The following RAD51B variants were observed in gnomAD, a reference collection of about 807,000 sequenced individuals.
RAD51B encodes DNA repair protein RAD51 homolog 2.
In RAD51B, 38 loss-of-function variants were observed where a neutral mutation model predicts 42.2. The observed-to-expected ratio is 0.90, with a 90% CI of 0.70 to 1.18. The LOEUF is 1.18. Among genes scored for constraint, RAD51B ranks in the 50% most tolerant of loss-of-function variants. The probability of loss-of-function intolerance (pLI) is 0.00; values close to 1 mark genes in which losing one functional copy is unlikely to be tolerated. For synonymous variants in RAD51B, 154 were observed against 145.2 expected (o/e 1.06, Z -0.43); for missense variants, 373 against 400.7 (o/e 0.93, Z 0.59).
chr14:68,261,618 A>G (rs1235277763), intron 7 of RAD51B, among the ~76,000 whole-genome samples: 1 of 152,172 alleles, frequency 6.6e-6, no homozygotes, highest in Non-Finnish European at 1.5e-5. Context: ...AAAACCATAT[A>G]TTTTGTATTG....
chr14:68,438,156 G>C (rs937137364), intron 9 of RAD51B, among the ~76,000 whole-genome samples: 3 of 152,112 alleles, frequency 2.0e-5, no homozygotes, highest in Admixed American at 1.3e-4. Context: ...CATCAGATTT[G>C]TACCTTCCAA....
intron 7 of RAD51B, among the ~76,000 whole-genome samples, chr14:68,233,596 T>G (rs2080188868): frequency 6.6e-6 from 1 of 152,200 alleles, no homozygotes; most frequent in African/African-American, 2.4e-5. Context: ...ACCTGAAGTT[T>G]TATGTTGTGT....
chr14:68,614,500 T>C (rs1017480562), downstream of RAD51B, among the ~76,000 whole-genome samples: 2 of 152,208 alleles, frequency 1.3e-5, no homozygotes, highest in African/African-American at 4.8e-5. Context: ...TCCATATGCA[T>C]TGGCAGTCAC....
At chr14:68,130,662 G>A (rs548892390) in intron 7 of RAD51B, among the ~76,000 whole-genome samples, 2 of 152,234 alleles carry the variant, frequency 1.3e-5, no homozygotes, top group Middle Eastern at 3.4e-3. Context: ...TTTTACTGAA[G>A]CCTTGAGATC....
chr14:68,095,837 G>A (rs370787089), intron 7 of RAD51B, among the ~76,000 whole-genome samples: 2 of 151,862 alleles, frequency 1.3e-5, no homozygotes, highest in African/African-American at 4.8e-5. Context: ...TTAGCCAGGC[G>A]TGGTGGCGGG....
intron 10 of RAD51B, among the ~76,000 whole-genome samples, chr14:68,477,027 C>T (rs1882682585): frequency 6.6e-6 from 1 of 152,142 alleles, no homozygotes; most frequent in South Asian, 2.1e-4. Flanking sequence ...TGACCAGTGT[C>T]CTGAAGGAGC....
chr14:68,354,225 T>TG (rs1322061210), intron 8 of RAD51B, among the ~76,000 whole-genome samples: 116 of 147,300 alleles, frequency 7.9e-4, no homozygotes, highest in African/African-American at 2.7e-3. Context: ...GGTTTTTTTT[T>TG]TTTTTTTTTT....
chr14:67,884,596 A>G (rs2043008675), intron 5 of RAD51B, among the ~76,000 whole-genome samples: 1 of 152,068 alleles, frequency 6.6e-6, no homozygotes, highest in Admixed American at 6.5e-5. Context: ...GCCTGTGCCA[A>G]TGCCATCTCA....
chr14:68,679,270 CA>C (rs1893378957), intron 11 of RAD51B, among the ~76,000 whole-genome samples: 1 of 151,842 alleles, frequency 6.6e-6, no homozygotes, highest in Non-Finnish European at 1.5e-5. Context: ...AACAAACAAA[CA>C]AACAAACAAA....
intron 9 of RAD51B, among the ~76,000 whole-genome samples, chr14:68,433,316 C>A (rs973985914): frequency 6.6e-6 from 1 of 152,116 alleles, no homozygotes. Context: ...TGGAGAAGTT[C>A]TCCTGGGTAA....
intron 10 of RAD51B, chr14:68,541,046 G>C: frequency 1.0e-6 from 1 of 985,376 alleles, no homozygotes; most frequent in Non-Finnish European, 1.2e-6. Flanking sequence ...GAAAAAGATA[G>C]TCATAAAAGA....
intron 7 of RAD51B, among the ~76,000 whole-genome samples, chr14:68,015,304 ATACAAAGGTGAC>A (rs996586953): frequency 1.3e-5 from 2 of 152,296 alleles, no homozygotes; most frequent in South Asian, 2.1e-4. Flanking sequence ...TATGATGGGG[ATACAAAGGTGAC>A]TACTCAGGAG....
At chr14:68,050,268 T>TTTTTCTTTTC (rs147245086) in intron 7 of RAD51B, among the ~76,000 whole-genome samples, 31 of 150,766 alleles carry the variant, frequency 2.1e-4, no homozygotes, top group African/African-American at 3.9e-4. Context: ...TCTCTTTTCT[T>TTTTTCTTTTC]TTTTCTTTTC....
At chr14:68,504,670 T>TTTTTTTTTTTTTTTTTTTTA (rs1885173907) in intron 10 of RAD51B, among the ~76,000 whole-genome samples, 1 of 96,380 alleles carries the variant, frequency 1.0e-5, no homozygotes, top group Non-Finnish European at 2.3e-5. Flanking sequence ...TTCTTTTTTT[T>TTTTTTTTTTTTTTTTTTTTA]TTTTTTTTTT....
At chr14:68,005,045 GTTT>G (rs753867497) in intron 7 of RAD51B, among the ~76,000 whole-genome samples, 22 of 79,488 alleles carry the variant, frequency 2.8e-4, no homozygotes, top group African/African-American at 1.1e-3. Flanking sequence ...GTGTGTGTGT[GTTT>G]TTTTTTTTTT....
chr14:68,319,662 G>C (rs1031528605), intron 8 of RAD51B, among the ~76,000 whole-genome samples: 2 of 152,180 alleles, frequency 1.3e-5, no homozygotes, highest in Non-Finnish European at 2.9e-5. Flanking sequence ...GGATGCTTCT[G>C]TGTTCCAGCT....
At chr14:68,125,739 TTTTTG>T (rs966993868) in intron 7 of RAD51B, among the ~76,000 whole-genome samples, 5 of 148,612 alleles carry the variant, frequency 3.4e-5, no homozygotes, top group Admixed American at 6.6e-5. Flanking sequence ...ATTTAAGAGG[TTTTTG>T]TTTTGTTTTG....
intron 7 of RAD51B, among the ~76,000 whole-genome samples, chr14:68,153,037 A>G (rs547055221): frequency 6.6e-6 from 1 of 152,214 alleles, no homozygotes; most frequent in South Asian, 2.1e-4. Flanking sequence ...TGTCCTTGCT[A>G]TTATGAATAG....
At position 68,434,775 on chromosome 14, in the gene RAD51B, C is replaced by T. The variant is rs573888200; in HGVS notation, c.957+23248C>T. On this transcript the variant is annotated intron_variant, in intron 9 of 10. Coordinates refer to ENST00000471583, the MANE Select transcript of RAD51B (RefSeq NM_133510.4). ...CCTGCACCCACTGTCTGACAAGCCC[C>T]GGTGAGATGAACCCGGTACCTGAGT... Among the ~76,000 whole-genome samples the T allele has an allele frequency of 3.3e-5, 5 of 152,300 alleles. No homozygotes were observed. In the East Asian group the frequency reaches 5.8e-4, roughly 18 times the overall value.
Sources: allele counts gnomAD v4.1 joint callset (sites outside exome capture counted in the v4.1 genomes callset), GRCh38; gene constraint gnomAD v4.1.1; transcripts MANE v1.5; gene names NCBI Gene and HGNC (gene_info 2026-07-23, HGNC 2026-07-21).